THADA: variants seen among roughly 807,000 people sequenced by gnomAD.
THADA encodes the protein tRNA (32-2'-O)-methyltransferase regulator THADA.
THADA carries 213 observed loss-of-function variants against 219.8 expected under a neutral mutation model. The observed-to-expected ratio is 0.97, with a 90% CI of 0.87 to 1.09. THADA has a LOEUF of 1.09. Ranked by LOEUF, THADA falls within the 50% of genes least tolerant of loss-of-function variation. The pLI, the probability that THADA is intolerant of heterozygous loss-of-function variation, is 0.00. For missense variants in THADA, 2,956 were observed against 2,311.3 expected (o/e 1.28, Z -5.72); for synonymous variants, 1,018 against 828.9 (o/e 1.23, Z -3.92).
chr2:43,271,955 A>C (rs1672173389), intron 36 of THADA, among the ~76,000 whole-genome samples: 1 of 152,204 alleles, frequency 6.6e-6, no homozygotes, highest in Admixed American at 6.5e-5. Flanking sequence ...AACAAATAAC[A>C]AATAAATAAA....
At chr2:43,574,208 T>C in intron 11 of THADA, 128 bp downstream of exon 11, 2 of 728,632 alleles carry the variant, frequency 2.7e-6, no homozygotes, top group Non-Finnish European at 2.1e-6. Context: ...GAAACATCTA[T>C]CATTAATCTC....
intron 4 of THADA, among the ~76,000 whole-genome samples, chr2:43,588,344 G>A (rs1701213579): frequency 6.7e-6 from 1 of 149,986 alleles, no homozygotes; most frequent in Non-Finnish European, 1.5e-5. Context: ...AAATAATCTT[G>A]TATTACAGAA....
At chr2:43,379,958 G>C (rs756273391) in intron 29 of THADA, among the ~76,000 whole-genome samples, 2 of 152,170 alleles carry the variant, frequency 1.3e-5, no homozygotes, top group Non-Finnish European at 2.9e-5. Context: ...TGTGATTTCA[G>C]TCACATGACA....
Position 43,322,978 on chromosome 2 carries a change from G to A in THADA, c.4344-2438C>T, listed in dbSNP as rs368014916. Among the ~76,000 whole-genome samples the A allele has an allele frequency of 1.1e-4, 16 of 152,044 alleles. No individual in the cohort carries two copies. In the East Asian group the frequency reaches 1.9e-3, roughly 18 times the overall value. ...TGGGATTACAGGCGTGAGCCACCGC[G>A]CCAGGCTCTATTCTTTTATAAGCAT... On this transcript the variant is annotated intron_variant, in intron 30 of 37. Transcript: ENST00000405975.
At chr2:43,249,459 G>A (rs748666273) in intron 36 of THADA, among the ~76,000 whole-genome samples, 3 of 152,092 alleles carry the variant, frequency 2.0e-5, no homozygotes, top group African/African-American at 7.2e-5. Flanking sequence ...CCTTCCCTGT[G>A]GTCAGGGTGA....
intron 31 of THADA, among the ~76,000 whole-genome samples, chr2:43,307,388 C>G (rs544167027): frequency 6.6e-6 from 1 of 152,320 alleles, no homozygotes; most frequent in South Asian, 2.1e-4. Flanking sequence ...GACCAAGGGA[C>G]CCTGTGAATC....
chr2:43,411,340 G>T (rs555307434), intron 28 of THADA, among the ~76,000 whole-genome samples: 6 of 152,246 alleles, frequency 3.9e-5, no homozygotes, highest in African/African-American at 7.2e-5. Flanking sequence ...CATATTAAAA[G>T]AAATTCAATT....
intron 26 of THADA, among the ~76,000 whole-genome samples, chr2:43,480,118 G>A (rs1286287087): frequency 1.3e-5 from 2 of 152,234 alleles, no homozygotes; most frequent in African/African-American, 2.4e-5. Flanking sequence ...TGCAGATGGA[G>A]CTCGCTTTGT....
At chr2:43,554,651 C>G (rs1285624965) in intron 17 of THADA, among the ~76,000 whole-genome samples, 1 of 152,024 alleles carries the variant, frequency 6.6e-6, no homozygotes, top group Non-Finnish European at 1.5e-5. Flanking sequence ...CTGACAATAG[C>G]AAATTATGGT....
chr2:43,433,761 C>T (rs935966337), intron 26 of THADA, among the ~76,000 whole-genome samples: 6 of 152,104 alleles, frequency 3.9e-5, no homozygotes, highest in African/African-American at 1.4e-4. Context: ...AATTTCGGCT[C>T]ACTGCAACCT....
chr2:43,588,440 G>A (rs1422355889), intron 4 of THADA, among the ~76,000 whole-genome samples: 2 of 152,018 alleles, frequency 1.3e-5, no homozygotes, highest in African/African-American at 4.8e-5. Context: ...TTTAATTTTT[G>A]TAAAGACAAG....
chr2:43,415,402 C>T (rs1263732149), intron 28 of THADA, among the ~76,000 whole-genome samples: 1 of 152,118 alleles, frequency 6.6e-6, no homozygotes, highest in Admixed American at 6.5e-5. Flanking sequence ...CTTCCAGTGG[C>T]ATCATTCCTA....
At chr2:43,326,249 C>G (rs1679322255) in intron 30 of THADA, among the ~76,000 whole-genome samples, 1 of 150,944 alleles carries the variant, frequency 6.6e-6, no homozygotes, top group South Asian at 2.1e-4. Context: ...ATGATGGGTG[C>G]CCCAAAAGGA....
chr2:43,434,960 G>C (rs952495048), intron 26 of THADA, among the ~76,000 whole-genome samples: 43 of 152,188 alleles, frequency 2.8e-4, no homozygotes, highest in African/African-American at 1.0e-3. Flanking sequence ...CTGCTGTGGA[G>C]TGGGAGCCCC....
At chr2:43,498,430 G>A (rs182200306) in intron 25 of THADA, among the ~76,000 whole-genome samples, 1 of 152,286 alleles carries the variant, frequency 6.6e-6, no homozygotes, top group Non-Finnish European at 1.5e-5. Context: ...CAACAATGTA[G>A]TGTAAGTTTA....
chr2:43,321,509 T>C lies in THADA; in HGVS notation c.4344-969A>G, dbSNP rs114394114. 6.7e-3 allele frequency among the ~76,000 whole-genome samples: 1,019 copies of C among 152,340 alleles called. 8 individuals carry two copies. Among genetic ancestry groups the C allele is most frequent in the South Asian group, 0.01 (50 of 4,828 alleles). On this transcript the variant is annotated intron_variant, in intron 30 of 37. Transcript: ENST00000405975. ...GTCATGAGGGTACTGTCCTCATGAA[T>C]GAATGAATGTTGTTATCTTGGGATT...
At chr2:43,576,107 A>G (rs1699828430) in intron 10 of THADA, among the ~76,000 whole-genome samples, 1 of 152,228 alleles carries the variant, frequency 6.6e-6, no homozygotes, top group African/African-American at 2.4e-5. Context: ...GAAAAAATAT[A>G]GCAAAGAGAA....
At chr2:43,592,122 A>C in intron 2 of THADA, 76 bp from the exon 3 acceptor site, 1 of 1,258,526 alleles carries the variant, frequency 7.9e-7, no homozygotes, top group East Asian at 2.6e-5. Flanking sequence ...GCATTCTACA[A>C]AATTTTTTAA....
At chr2:43,507,090 C>T (rs1166660891) in intron 23 of THADA, among the ~76,000 whole-genome samples, 9 of 151,986 alleles carry the variant, frequency 5.9e-5, no homozygotes. Flanking sequence ...CAGATTTCCA[C>T]CAAAACAGGA....
Sources: gnomAD v4.1 joint callset for allele counts (sites outside exome capture counted in the v4.1 genomes callset) on GRCh38, gnomAD v4.1.1 for gene constraint, MANE v1.5 for transcripts, NCBI Gene and HGNC (gene_info 2026-07-23, HGNC 2026-07-21) for gene names.